The following SLC30A6 variants were observed in gnomAD, a reference collection of about 807,000 sequenced individuals.
SLC30A6 encodes solute carrier family 30 member 6.
A neutral mutation model predicts 63.0 loss-of-function variants in SLC30A6; 55 were observed. The observed-to-expected ratio is 0.87, with a 90% CI of 0.70 to 1.09. The LOEUF is 1.09. SLC30A6 is among the 50% of genes least tolerant of loss of function. SLC30A6 has a pLI of 0.00. For synonymous variants in SLC30A6, 224 were observed against 186.1 expected, an observed-to-expected ratio of 1.20 and a Z score of -1.66; for missense variants, 587 against 549.2, an observed-to-expected ratio of 1.07 and a Z score of -0.69.
Position 32,199,848 on chromosome 2 carries a change from C to T in SLC30A6, c.665+2022C>T, listed in dbSNP as rs987309722. Among the ~76,000 whole-genome samples the T allele has an allele frequency of 3.9e-4, 60 of 152,090 alleles. 1 individual carries two copies. The highest frequency in any genetic ancestry group is 1.4e-3 in the African/African-American group (58 of 41,410). On this transcript the variant is annotated intron_variant, in intron 10 of 13. Coordinates refer to ENST00000282587, the MANE Select transcript of SLC30A6 (RefSeq NM_017964.5). ...TTATTTATTTGGCTGGGTGCGGTGG[C>T]TTACACCTGTAGTCCCAGCACTTTG...
intron 13 of SLC30A6, among the ~76,000 whole-genome samples, chr2:32,217,509 T>G (rs1043728086): frequency 6.6e-6 from 1 of 152,254 alleles, no homozygotes; most frequent in African/African-American, 2.4e-5. Flanking sequence ...TGCTTCCAGC[T>G]TTGTTCTTTC....
intron 2 of SLC30A6, among the ~76,000 whole-genome samples, chr2:32,171,696 AT>A (rs11324818): frequency 0.45 from 66,311 of 146,708 alleles, 14,963 homozygotes; most frequent in East Asian, 0.63. Context: ...TCTTTTATTT[AT>A]TTTTTTTTTT....
At chr2:32,213,562 A>C (rs987558334) in intron 13 of SLC30A6, among the ~76,000 whole-genome samples, 1 of 152,060 alleles carries the variant, frequency 6.6e-6, no homozygotes, top group Non-Finnish European at 1.5e-5. Flanking sequence ...TGAAGGTCTT[A>C]CACCTTTTAT....
chr2:32,171,561 T>A (rs998537145), intron 2 of SLC30A6, among the ~76,000 whole-genome samples, 188 bp downstream of exon 2: 2 of 152,210 alleles, frequency 1.3e-5, no homozygotes, highest in African/African-American at 4.8e-5. Flanking sequence ...TTTACTTTGG[T>A]AGGAAGCTTC....
chr2:32,188,813 T>C (rs1470306846), intron 5 of SLC30A6, among the ~76,000 whole-genome samples: 1 of 152,222 alleles, frequency 6.6e-6, no homozygotes, highest in Non-Finnish European at 1.5e-5. Context: ...ATATAGAACA[T>C]TACAAGTCCC....
chr2:32,183,003 G>A (rs1319026088), intron 4 of SLC30A6, among the ~76,000 whole-genome samples: 1 of 151,398 alleles, frequency 6.6e-6, no homozygotes, highest in Non-Finnish European at 1.5e-5. Flanking sequence ...CCTGGCCAAC[G>A]TGGTGAAAGC....
At chr2:32,210,478 G>GCAC (rs1335033575) in intron 13 of SLC30A6, among the ~76,000 whole-genome samples, 5 of 128,682 alleles carry the variant, frequency 3.9e-5, no homozygotes, top group African/African-American at 1.5e-4. Context: ...TCACGCCATT[G>GCAC]CACTCTAGCC....
intron 8 of SLC30A6, among the ~76,000 whole-genome samples, chr2:32,196,240 G>A (rs1019988594): frequency 6.6e-6 from 1 of 151,972 alleles, no homozygotes; most frequent in Non-Finnish European, 1.5e-5. Context: ...CCTTGAACCC[G>A]GTAGGCGGAG....
At chr2:32,171,206 T>C in intron 1 of SLC30A6, 81 bp from the exon 2 acceptor site, 1 of 1,129,548 alleles carries the variant, frequency 8.9e-7, no homozygotes, top group Non-Finnish European at 1.3e-6. Flanking sequence ...ATTTATATCA[T>C]AGGAACCACT....
chr2:32,207,692 ATTTTTT>A (rs34666891), intron 12 of SLC30A6, among the ~76,000 whole-genome samples: 385 of 54,420 alleles, frequency 7.1e-3, no homozygotes, highest in African/African-American at 0.029. Context: ...TAACTTCTGT[ATTTTTT>A]TTTTTTTTTT....
intron 2 of SLC30A6, 144 bp from the exon 3 acceptor site, chr2:32,173,919 G>T: frequency 1.9e-6 from 1 of 521,102 alleles, no homozygotes. Context: ...GACAATTTTG[G>T]TAGATGTAGA....
intron 8 of SLC30A6, among the ~76,000 whole-genome samples, chr2:32,197,008 C>T (rs1456757569): frequency 2.6e-5 from 4 of 152,064 alleles, no homozygotes; most frequent in South Asian, 2.1e-4. Flanking sequence ...TGCAGTGAGC[C>T]GAGATGGCAC....
intron 12 of SLC30A6, among the ~76,000 whole-genome samples, chr2:32,208,451 A>G (rs1436098809): frequency 6.8e-6 from 1 of 147,334 alleles, no homozygotes; most frequent in African/African-American, 2.5e-5. Flanking sequence ...TTTTTAAAAT[A>G]TATATATAAA....
intron 7 of SLC30A6, 99 bp from the exon 8 acceptor site, chr2:32,193,790 A>G: frequency 1.1e-6 from 1 of 891,422 alleles, no homozygotes; most frequent in East Asian, 2.5e-5. Flanking sequence ...AAAGCAGACC[A>G]CTTTACCTTC....
chr2:32,209,452 A>T, intron 12 of SLC30A6, 41 bp from the exon 13 acceptor site: 1 of 1,499,312 alleles, frequency 6.7e-7, no homozygotes, highest in Non-Finnish European at 9.1e-7. Context: ...TGGATATGTT[A>T]AGTACAGACA....
chr2:32,218,438 C>A (rs1461691780), intron 13 of SLC30A6, among the ~76,000 whole-genome samples: 1 of 152,188 alleles, frequency 6.6e-6, no homozygotes, highest in Non-Finnish European at 1.5e-5. Flanking sequence ...GGTATCAAGT[C>A]CTTCCATTAC....
At chr2:32,205,662 C>CTTTT (rs745414068) in intron 11 of SLC30A6, among the ~76,000 whole-genome samples, 1,225 of 87,056 alleles carry the variant, frequency 0.014, 2 homozygotes, top group Non-Finnish European at 0.017. Flanking sequence ...AATGTTACTT[C>CTTTT]TTTTTTTTTT....
At chr2:32,200,130 CAT>C (rs995797685) in intron 10 of SLC30A6, among the ~76,000 whole-genome samples, 2 of 151,678 alleles carry the variant, frequency 1.3e-5, no homozygotes, top group African/African-American at 2.4e-5. Context: ...TATATATAAA[CAT>C]ATATATATGT....
chr2:32,220,702 C>A lies in SLC30A6; in HGVS notation c.1375C>A (p.Pro459Thr), dbSNP rs201782139. 4 of 1,612,192 alleles carry A rather than the reference C, an allele frequency of 2.5e-6. No homozygotes were observed. The highest frequency in any genetic ancestry group is 2.5e-6 in the Non-Finnish European group (3 of 1,178,868). Residue 459 changes from proline (P) to threonine (T), a missense_variant, in exon 14 of 14, where the codon CCA becomes ACA. Physicochemically the swap from Pro to Thr is conservative, Grantham distance 38 (BLOSUM62 -1). Coordinates refer to ENST00000282587, the MANE Select transcript of SLC30A6 (RefSeq NM_017964.5). Reference sequence around the variant, plus strand: ...TGGAACTAATAATAGAATTGGACAACCAAGACCATGATAGACTCTAACTTA... The same window carrying A: ...TGGAACTAATAATAGAATTGGACAAACAAGACCATGATAGACTCTAACTTA... ...RYGTNNRIGQ[P>T]RP
Sources: allele counts gnomAD v4.1 joint callset (sites outside exome capture counted in the v4.1 genomes callset), GRCh38; gene constraint gnomAD v4.1.1; transcripts MANE v1.5; gene names NCBI Gene and HGNC (gene_info 2026-07-23, HGNC 2026-07-21).